Variants in LAMP5 observed in about 807,000 individuals in gnomAD.
LAMP5 encodes lysosome-associated membrane glycoprotein 5.
LAMP5 carries 36 observed loss-of-function variants against 30.2 expected under a neutral mutation model. That is an observed-to-expected ratio of 1.19 (90% CI 0.91 to 1.57). The LOEUF (loss-of-function observed/expected upper bound fraction) is 1.57, where lower values mean the gene tolerates loss of function less well. Among genes scored for constraint, LAMP5 ranks in the 40% most tolerant of loss-of-function variants. The probability of loss-of-function intolerance (pLI) is 0.00; values close to 1 mark genes in which losing one functional copy is unlikely to be tolerated. For missense variants in LAMP5, 377 were observed against 354.9 expected (o/e 1.06, Z -0.50); for synonymous variants, 149 against 134.6 (o/e 1.11, Z -0.74).
chr20:9,526,519 G>A (rs997978425), intron 5 of LAMP5, among the ~76,000 whole-genome samples: 6 of 152,090 alleles, frequency 3.9e-5, no homozygotes, highest in African/African-American at 9.7e-5. Flanking sequence ...GAAGAAGACC[G>A]CCATGCTGGC....
chr20:9,517,984 C>T (rs1568943126), intron 4 of LAMP5, 56 bp from the exon 5 acceptor site: 2 of 1,061,326 alleles, frequency 1.9e-6, no homozygotes, highest in South Asian at 1.6e-5. Context: ...AGCTCTCTGG[C>T]ACATTAGGTT....
At chr20:9,521,214 G>C (rs1163422050) in intron 5 of LAMP5, among the ~76,000 whole-genome samples, 1 of 152,142 alleles carries the variant, frequency 6.6e-6, no homozygotes, top group East Asian at 1.9e-4. Context: ...AGGGGCTTTG[G>C]AGAGGGATTT....
At chr20:9,526,044 T>G (rs1010618726) in intron 5 of LAMP5, among the ~76,000 whole-genome samples, 6 of 152,078 alleles carry the variant, frequency 3.9e-5, no homozygotes, top group African/African-American at 1.4e-4. Context: ...GGGAGAGAGT[T>G]AAGAAGGGAA....
intron 2 of LAMP5, 84 bp from the exon 3 acceptor site, chr20:9,515,915 AC>A: frequency 7.2e-7 from 1 of 1,394,440 alleles, no homozygotes; most frequent in Non-Finnish European, 9.4e-7. Context: ...CAAGCGTGCA[AC>A]CCAGAGTTTG....
In LAMP5 at chr20:9,528,322, G is replaced by GCA. The variant is rs769187096; in HGVS notation, c.665-1319_665-1318insAC. Among the ~76,000 whole-genome samples the GCA allele has an allele frequency of 2.9e-3, 212 of 73,086 alleles. 2 individuals carry two copies. In the East Asian group the frequency reaches 0.07, roughly 24 times the overall value. 47.9% of individuals were successfully genotyped at this position (73,086 alleles called of 152,430 possible). A position where few individuals can be genotyped will look rare whatever the true frequency, so the allele number is the denominator to read the frequency against. Reference sequence around the variant, plus strand: ...GGTGTGTGTGTGTGTGTGTGTGTGTGCGTGTGTGTGTTTGTGTTGGGGAGA... The same window carrying GCA: ...GGTGTGTGTGTGTGTGTGTGTGTGTGCACGTGTGTGTGTTTGTGTTGGGGAGA... On this transcript the variant is annotated intron_variant, in intron 5 of 5. Transcript: ENST00000246070.
chr20:9,518,293 C>T (rs1478965012), intron 5 of LAMP5, 65 bp downstream of exon 5: 11 of 1,421,066 alleles, frequency 7.7e-6, no homozygotes, highest in Admixed American at 3.5e-5. Flanking sequence ...AGAGAGGGAC[C>T]TACCAGGGCC....
At chr20:9,522,039 A>G (rs1322223675) in intron 5 of LAMP5, among the ~76,000 whole-genome samples, 1 of 152,240 alleles carries the variant, frequency 6.6e-6, no homozygotes, top group African/African-American at 2.4e-5. Context: ...GCTGAGACAC[A>G]GGGAGGTGAA....
chr20:9,516,652 G>A (rs1244193527), intron 4 of LAMP5, among the ~76,000 whole-genome samples: 2 of 152,114 alleles, frequency 1.3e-5, no homozygotes, highest in Non-Finnish European at 1.5e-5. Flanking sequence ...GCTTCAAAAC[G>A]ACCTCTTATG....
intron 5 of LAMP5, among the ~76,000 whole-genome samples, chr20:9,521,803 G>A (rs1473603932): frequency 1.3e-5 from 2 of 152,132 alleles, no homozygotes; most frequent in East Asian, 3.8e-4. Context: ...TTGAGTAAAA[G>A]GAAACTTTTA....
Position 9,516,132 on chromosome 20 carries a change from G to T in LAMP5, c.369+1G>T. 1.3e-6 allele frequency: 2 copies of T among 1,565,864 alleles called. No individual in the cohort carries two copies. Among genetic ancestry groups the T allele is most frequent in the African/African-American group, 1.4e-5 (1 of 72,880 alleles). On this transcript the variant is annotated splice_donor_variant, in intron 3 of 5. Transcript: ENST00000246070. LOFTEE classifies it high-confidence loss of function. ...TGCACTCAAAATGCTCTTTGTAAAG[G>T]TAACTCCGAGCCCAGCGGGCAGAGG...
intron 5 of LAMP5, among the ~76,000 whole-genome samples, chr20:9,527,884 C>G (rs2045124684): frequency 6.6e-6 from 1 of 152,112 alleles, no homozygotes; most frequent in Admixed American, 6.6e-5. Context: ...TGAGGTGCTG[C>G]TAACATTTGT....
chr20:9,528,545 C>T (rs2045129479), intron 5 of LAMP5, among the ~76,000 whole-genome samples: 1 of 151,916 alleles, frequency 6.6e-6, no homozygotes, highest in Non-Finnish European at 1.5e-5. Context: ...TCTTAAATTC[C>T]CTGACTTGAT....
At chr20:9,528,735 C>G (rs777233611) in intron 5 of LAMP5, among the ~76,000 whole-genome samples, 1 of 152,176 alleles carries the variant, frequency 6.6e-6, no homozygotes, top group Admixed American at 6.5e-5. Context: ...ATTTCCAACA[C>G]AGGTGAAAGT....
At chr20:9,517,388 A>G (rs1214303430) in intron 4 of LAMP5, among the ~76,000 whole-genome samples, 1 of 152,168 alleles carries the variant, frequency 6.6e-6, no homozygotes, top group Admixed American at 6.5e-5. Flanking sequence ...TGAAATGTGG[A>G]AAACCAAGTC....
At chr20:9,523,891 C>T (rs62193583) in intron 5 of LAMP5, among the ~76,000 whole-genome samples, 7,719 of 152,078 alleles carry the variant, frequency 0.051, 309 homozygotes, top group East Asian at 0.21. Context: ...AGATTTTTAC[C>T]CTGGGGTATA....
chr20:9,514,789 G>A lies in LAMP5; in HGVS notation c.-64G>A. On this transcript the variant is annotated 5_prime_UTR_variant, in exon 1 of 6. Coordinates refer to ENST00000246070, the MANE Select transcript of LAMP5 (RefSeq NM_012261.4). ...CCCGGCCCACTCCAGCGGCGACTTT[G>A]AGGGATTCCCTCTCTGGCGGCCTCT... The A allele has an allele frequency of 6.6e-7, 1 of 1,525,228 alleles. No homozygotes were observed. The highest frequency in any genetic ancestry group is 2.3e-5 in the East Asian group (1 of 44,076). The allele number at this position is 1,525,228 out of a possible 1,614,324, so 94.5% of individuals were successfully genotyped here. A position where few individuals can be genotyped will look rare whatever the true frequency, so the allele number is the denominator to read the frequency against.
chr20:9,517,639 T>TGTGTGTGTGTGTGTGTGTGTGTGTG (rs1474402891), intron 4 of LAMP5, among the ~76,000 whole-genome samples: 23 of 89,634 alleles, frequency 2.6e-4, no homozygotes, highest in African/African-American at 3.6e-4. Flanking sequence ...GTGTGTGTAT[T>TGTGTGTGTGTGTGTGTGTGTGTGTG]TGTAGAGACA....
intron 5 of LAMP5, among the ~76,000 whole-genome samples, chr20:9,520,894 A>G (rs1450668748): frequency 6.6e-6 from 1 of 152,164 alleles, no homozygotes; most frequent in Non-Finnish European, 1.5e-5. Context: ...TTAGCCCAGC[A>G]ATGAGCTCAT....
chr20:9,518,012 T>TGCCAGCAGGAGGGGCCG, intron 4 of LAMP5, 28 bp from the exon 5 acceptor site: 1 of 1,610,016 alleles, frequency 6.2e-7, no homozygotes, highest in Non-Finnish European at 8.5e-7. Context: ...ATGAGGGTTC[T>TGCCAGCAGGAGGGGCCG]AACTATTGCT....
Sources: gnomAD v4.1 joint callset for allele counts (sites outside exome capture counted in the v4.1 genomes callset) on GRCh38, gnomAD v4.1.1 for gene constraint, MANE v1.5 for transcripts, NCBI Gene and HGNC (gene_info 2026-07-23, HGNC 2026-07-21) for gene names.